BBX: variants seen among roughly 807,000 people sequenced by gnomAD.
BBX encodes BBX high mobility group box domain containing.
Under a neutral mutation model 100.2 loss-of-function variants are expected in BBX, and 30 were observed. The observed-to-expected ratio is 0.30, with a 90% CI of 0.22 to 0.41. BBX has a LOEUF of 0.41. Among genes scored for constraint, BBX ranks in the 10% least tolerant of loss-of-function variants. The pLI is 1.00. For missense variants in BBX, 1,023 were observed against 1,129.8 expected (o/e 0.91, Z 1.35); for synonymous variants, 376 against 388.1 (o/e 0.97, Z 0.37).
chr3:107,720,705 G>A (rs2062467200), intron 5 of BBX, among the ~76,000 whole-genome samples: 1 of 151,772 alleles, frequency 6.6e-6, no homozygotes, highest in African/African-American at 2.4e-5. Flanking sequence ...TGAAAGTGTT[G>A]GTATCTATTT....
intron 3 of BBX, among the ~76,000 whole-genome samples, chr3:107,687,025 A>G (rs2059887762): frequency 6.6e-6 from 1 of 152,082 alleles, no homozygotes; most frequent in Admixed American, 6.6e-5. Context: ...TTTTTTAAGG[A>G]AAAAAATGTT....
chr3:107,661,055 T>TAAA (rs1176884023), intron 3 of BBX, among the ~76,000 whole-genome samples: 6 of 152,208 alleles, frequency 3.9e-5, no homozygotes, highest in African/African-American at 1.4e-4. Context: ...AATAAACTAA[T>TAAA]TCTAGCCCTT....
intron 6 of BBX, among the ~76,000 whole-genome samples, chr3:107,729,789 G>A (rs187142624): frequency 3.3e-5 from 5 of 152,268 alleles, no homozygotes; most frequent in African/African-American, 9.6e-5. Context: ...ATATGGAAAG[G>A]TTGGGAAAAG....
intron 3 of BBX, among the ~76,000 whole-genome samples, chr3:107,691,805 GGT>G (rs2060186938): frequency 6.6e-6 from 1 of 152,202 alleles, no homozygotes; most frequent in Non-Finnish European, 1.5e-5. Context: ...TTTAGTAAAT[GGT>G]GAGTCTAATT....
chr3:107,672,942 T>G (rs1466774848), intron 3 of BBX, among the ~76,000 whole-genome samples: 1 of 152,096 alleles, frequency 6.6e-6, no homozygotes, highest in African/African-American at 2.4e-5. Flanking sequence ...ATTAACCCCA[T>G]GGATGACTTT....
intron 6 of BBX, among the ~76,000 whole-genome samples, chr3:107,730,493 CT>C (rs370876456): frequency 9.1e-4 from 128 of 141,436 alleles, no homozygotes; most frequent in Non-Finnish European, 1.1e-3. Context: ...TTGTTGTTGG[CT>C]TTTTTTTTTT....
intron 3 of BBX, among the ~76,000 whole-genome samples, chr3:107,706,518 A>T (rs2061408670): frequency 6.6e-6 from 1 of 152,026 alleles, no homozygotes; most frequent in African/African-American, 2.4e-5. Context: ...TCATCATTTG[A>T]CAGTCTCAGC....
At chr3:107,661,955 C>T (rs2058467824) in intron 3 of BBX, 1 of 950,888 alleles carries the variant, frequency 1.1e-6, no homozygotes, top group Non-Finnish European at 1.3e-6. Flanking sequence ...GTAAGTCATT[C>T]AGCATTTGTT....
intron 10 of BBX, among the ~76,000 whole-genome samples, chr3:107,770,560 T>C (rs149645630): frequency 6.6e-5 from 10 of 152,320 alleles, no homozygotes; most frequent in South Asian, 6.2e-4. Context: ...GTTTCAGTGA[T>C]TCAGAATTAA....
chr3:107,648,407 A>AT (rs2057651692), intron 3 of BBX, among the ~76,000 whole-genome samples: 1 of 152,200 alleles, frequency 6.6e-6, no homozygotes, highest in African/African-American at 2.4e-5. Context: ...TGCATACAGA[A>AT]TTAGAGAAAG....
chr3:107,600,930 TC>T (rs1467499802), intron 2 of BBX, among the ~76,000 whole-genome samples: 1 of 152,196 alleles, frequency 6.6e-6, no homozygotes, highest in Non-Finnish European at 1.5e-5. Flanking sequence ...AAATTGAAGA[TC>T]TGTGGCAACT....
In BBX at chr3:107,617,662, G is replaced by A. The variant is rs1193508363; in HGVS notation, c.-83-28174G>A. Among the ~76,000 whole-genome samples, 6 of 151,964 alleles carry A rather than the reference G, an allele frequency of 3.9e-5. No individual in the cohort carries two copies. In the East Asian group the frequency reaches 1.2e-3, roughly 29 times the overall value. On this transcript the variant is annotated intron_variant, in intron 2 of 17. Transcript: ENST00000325805. Reference sequence around the variant, plus strand: ...GTAATCTTCATTTTAGTGTCTACATGTTAAAATATTTTAATTTTGATGTCC... The same window carrying A: ...GTAATCTTCATTTTAGTGTCTACATATTAAAATATTTTAATTTTGATGTCC...
At chr3:107,791,440 T>C in intron 15 of BBX, 141 bp downstream of exon 15, 1 of 684,112 alleles carries the variant, frequency 1.5e-6, no homozygotes, top group East Asian at 2.8e-5. Flanking sequence ...TATTTTTAAT[T>C]TTCACATCAA....
intron 2 of BBX, among the ~76,000 whole-genome samples, chr3:107,541,817 A>G (rs145826956): frequency 1.6e-3 from 240 of 151,680 alleles, no homozygotes; most frequent in Admixed American, 0.013. Context: ...AGCAAATTCT[A>G]TAATTTTTTT....
intron 10 of BBX, among the ~76,000 whole-genome samples, chr3:107,769,015 G>C (rs899866465): frequency 4.0e-5 from 6 of 150,330 alleles, no homozygotes; most frequent in East Asian, 2.0e-4. Flanking sequence ...GGCGGCGGGG[G>C]GGGGGAGCCG....
intron 2 of BBX, among the ~76,000 whole-genome samples, chr3:107,571,893 G>C (rs920967557): frequency 6.6e-6 from 1 of 152,232 alleles, no homozygotes; most frequent in African/African-American, 2.4e-5. Flanking sequence ...TGTGTGGTAC[G>C]TATGTGCATG....
At chr3:107,797,362 A>ATATATATATATATATATATATATATATG (rs1385455253) in intron 15 of BBX, among the ~76,000 whole-genome samples, 1 of 130,866 alleles carries the variant, frequency 7.6e-6, no homozygotes. Flanking sequence ...ATATATATAT[A>ATATATATATATATATATATATATATATG]TAGCTTTATT....
intron 2 of BBX, among the ~76,000 whole-genome samples, chr3:107,617,946 C>T: frequency 6.6e-6 from 1 of 151,806 alleles, no homozygotes; most frequent in Non-Finnish European, 1.5e-5. Flanking sequence ...GAGACTGGCC[C>T]TTCTTGTTCC....
rs923263445 is a variant in BBX, at chr3:107,588,504, C to T, written c.-83-57332C>T. The stretch of plus-strand genomic sequence containing the variant: ...GATGAGAGGGGTGTGGCACACATTG[C>T]ACTCACAGAAGCAATTTGGTTGCTA... On this transcript the variant is annotated intron_variant, in intron 2 of 17. Coordinates refer to ENST00000325805, the MANE Select transcript of BBX (RefSeq NM_001142568.3). Among the ~76,000 whole-genome samples, 4 of 152,136 alleles carry T rather than the reference C, an allele frequency of 2.6e-5. No homozygotes were observed. In the South Asian group the frequency reaches 6.2e-4, roughly 24 times the overall value.
Sources: allele counts gnomAD v4.1 joint callset (sites outside exome capture counted in the v4.1 genomes callset), GRCh38; gene constraint gnomAD v4.1.1; transcripts MANE v1.5; gene names NCBI Gene and HGNC (gene_info 2026-07-23, HGNC 2026-07-21).